COL19A1: variants seen among roughly 807,000 people sequenced by gnomAD.
COL19A1 encodes collagen alpha-1(XIX) chain.
In COL19A1, 159 loss-of-function variants were observed where a neutral mutation model predicts 190.2. The observed-to-expected ratio is 0.84, with a 90% confidence interval of 0.73 to 0.95. The LOEUF (loss-of-function observed/expected upper bound fraction) is 0.95, where lower values mean the gene tolerates loss of function less well. Among genes scored for constraint, COL19A1 ranks in the 40% least tolerant of loss-of-function variants. COL19A1 has a pLI of 0.00. For missense variants in COL19A1, 1,418 were observed against 1,431.9 expected (o/e 0.99, Z 0.16); for synonymous variants, 509 against 458.9 (o/e 1.11, Z -1.39).
intron 4 of COL19A1, 147 bp downstream of exon 4, chr6:69,900,485 T>TATAAACATTTTATAATTTATAAA (rs1770113222): frequency 2.2e-6 from 1 of 446,272 alleles, no homozygotes; most frequent in Non-Finnish European, 4.0e-6. Context: ...TTAATGTATT[T>TATAAACATTTTATAATTTATAAA]GTTGTTTATA....
chr6:69,973,421 A>G (rs1279491868), intron 11 of COL19A1, among the ~76,000 whole-genome samples: 2 of 152,148 alleles, frequency 1.3e-5, no homozygotes, highest in African/African-American at 4.8e-5. Context: ...TTTCCACTTC[A>G]GGTTACTTTC....
chr6:70,121,556 A>G (rs1784879460), intron 16 of COL19A1, among the ~76,000 whole-genome samples: 1 of 152,202 alleles, frequency 6.6e-6, no homozygotes, highest in Non-Finnish European at 1.5e-5. Flanking sequence ...TAAACTGAAG[A>G]GTTATACCCT....
intron 2 of COL19A1, among the ~76,000 whole-genome samples, chr6:69,886,928 C>T (rs1055542231): frequency 6.6e-6 from 1 of 152,152 alleles, no homozygotes; most frequent in East Asian, 1.9e-4. Flanking sequence ...AATCTTACAC[C>T]TAAATAATTA....
chr6:70,000,477 T>C (rs915908889), intron 11 of COL19A1, among the ~76,000 whole-genome samples: 11 of 152,336 alleles, frequency 7.2e-5, no homozygotes, highest in African/African-American at 2.6e-4. Context: ...TAATTTACAT[T>C]CCCACCAACA....
intron 31 of COL19A1, among the ~76,000 whole-genome samples, chr6:70,153,805 A>C (rs9364075): frequency 0.44 from 66,257 of 151,680 alleles, 14,786 homozygotes; most frequent in Middle Eastern, 0.57. Flanking sequence ...TAATAGTTCT[A>C]TAAATATATA....
intron 48 of COL19A1, among the ~76,000 whole-genome samples, chr6:70,199,255 T>G (rs1767397735): frequency 6.6e-6 from 1 of 152,206 alleles, no homozygotes; most frequent in Non-Finnish European, 1.5e-5. Context: ...GGAAAGTGCC[T>G]TAAAGTTATT....
chr6:69,906,404 T>C (rs1770550450), intron 4 of COL19A1, among the ~76,000 whole-genome samples: 1 of 152,114 alleles, frequency 6.6e-6, no homozygotes, highest in Admixed American at 6.5e-5. Flanking sequence ...GAATGCTATG[T>C]TGAGAAGGAT....
At chr6:70,122,547 T>A (rs1784944381) in intron 17 of COL19A1, among the ~76,000 whole-genome samples, 1 of 152,080 alleles carries the variant, frequency 6.6e-6, no homozygotes. Context: ...CTAGGTGAGA[T>A]CATTGATTGA....
At chr6:69,888,779 A>G (rs1418272660) in intron 2 of COL19A1, among the ~76,000 whole-genome samples, 1 of 42,324 alleles carries the variant, frequency 2.4e-5, no homozygotes, top group African/African-American at 1.2e-4. Flanking sequence ...CTCTAGCTCA[A>G]AAAAAAAAAA....
chr6:69,980,276 G>A (rs1156705431), intron 11 of COL19A1, among the ~76,000 whole-genome samples: 2 of 152,092 alleles, frequency 1.3e-5, no homozygotes, highest in Non-Finnish European at 2.9e-5. Flanking sequence ...CAGAAGTTAT[G>A]TGAAGTTAAT....
chr6:70,164,692 A>G (rs1027654500), intron 36 of COL19A1, among the ~76,000 whole-genome samples: 1 of 142,186 alleles, frequency 7.0e-6, no homozygotes, highest in East Asian at 2.4e-4. Context: ...GTGCCGGGGG[A>G]AAAAAAAGAC....
chr6:70,029,442 G>T (rs78770762), intron 12 of COL19A1, among the ~76,000 whole-genome samples: 2,942 of 152,150 alleles, frequency 0.019, 75 homozygotes, highest in African/African-American at 0.065. Context: ...GAATCTTTAT[G>T]TACATGAATT....
At chr6:70,141,390 A>G (rs773295508) in intron 20 of COL19A1, among the ~76,000 whole-genome samples, 1 of 152,138 alleles carries the variant, frequency 6.6e-6, no homozygotes, top group African/African-American at 2.4e-5. Context: ...CAGAAAATTT[A>G]AAAAGCAAAC....
chr6:69,880,067 G>C (rs1768423750), intron 2 of COL19A1, among the ~76,000 whole-genome samples: 1 of 152,114 alleles, frequency 6.6e-6, no homozygotes. Context: ...TCGGATAGGA[G>C]GTATAAAAGG....
intron 48 of COL19A1, among the ~76,000 whole-genome samples, chr6:70,195,461 G>A (rs925247003): frequency 6.6e-6 from 1 of 152,128 alleles, no homozygotes; most frequent in African/African-American, 2.4e-5. Flanking sequence ...AGATTCTCCA[G>A]TGGAGACATT....
chr6:70,131,888 C>A (rs1031451349), intron 18 of COL19A1, among the ~76,000 whole-genome samples: 1 of 152,260 alleles, frequency 6.6e-6, no homozygotes, highest in East Asian at 1.9e-4. Context: ...GTGTTTCAAA[C>A]TCTAAGGACC....
intron 9 of COL19A1, among the ~76,000 whole-genome samples, chr6:69,957,533 T>C (rs989483412): frequency 5.9e-5 from 9 of 152,210 alleles, no homozygotes; most frequent in Middle Eastern, 3.4e-3. Flanking sequence ...GGAATACAAG[T>C]CCTTTCATAG....
intron 41 of COL19A1, among the ~76,000 whole-genome samples, chr6:70,175,082 A>G (rs1240883822): frequency 2.0e-5 from 3 of 152,200 alleles, no homozygotes; most frequent in Non-Finnish European, 2.9e-5. Flanking sequence ...AAAAATGAAA[A>G]TTTTGTAATT....
rs954529531 is a variant in COL19A1, at chr6:70,210,055, T to G, written c.*2781T>G. 6.6e-6 allele frequency: 1 copy of G among 152,170 alleles called. No individual in the cohort carries two copies. The highest frequency in any genetic ancestry group is 6.5e-5 in the Admixed American group (1 of 15,270). The allele number at this position is 152,170 out of a possible 1,614,324, so 9.4% of individuals were successfully genotyped here. ...TATTTCCACATAGATGTTAATGATG[T>G]TCAAAGCAGGGGAGAAGAATTATTC... On this transcript the variant is annotated 3_prime_UTR_variant, in exon 51 of 51. Transcript: ENST00000620364.
Sources: gnomAD v4.1 joint callset for allele counts (sites outside exome capture counted in the v4.1 genomes callset) on GRCh38, gnomAD v4.1.1 for gene constraint, MANE v1.5 for transcripts, NCBI Gene and HGNC (gene_info 2026-07-23, HGNC 2026-07-21) for gene names.